PAPOLA: variants seen among roughly 807,000 people sequenced by gnomAD.
PAPOLA encodes the protein poly(A) polymerase alpha.
A neutral mutation model predicts 100.6 loss-of-function variants in PAPOLA; 15 were observed. The observed-to-expected ratio is 0.15, with a 90% CI of 0.10 to 0.23. The LOEUF (loss-of-function observed/expected upper bound fraction) is 0.23. PAPOLA is among the 10% of genes least tolerant of loss of function. The pLI is 1.00. For synonymous variants in PAPOLA, 293 were observed against 300.0 expected (o/e 0.98, Z 0.24); for missense variants, 533 against 884.2 (o/e 0.60, Z 5.04).
chr14:96,502,689 C>T lies in PAPOLA; in HGVS notation c.8+89C>T, dbSNP rs1343556569. ...GGGAAGAGGTAGGCGGAGAGGGTGG[C>T]ACGCGAGCCCGACCCTCCCCGCTGG... On this transcript the variant is annotated intron_variant, in intron 1 of 21. Transcript: ENST00000216277. The T allele has an allele frequency of 2.1e-6, 3 of 1,433,388 alleles. No individual in the cohort carries two copies. The African/African-American group carries it at 4.4e-5, about 21-fold the overall frequency. 88.8% of individuals were successfully genotyped at this position (1,433,388 alleles called of 1,614,324 possible).
At chr14:96,544,572 C>T (rs905382218) in intron 15 of PAPOLA, among the ~76,000 whole-genome samples, 2 of 152,032 alleles carry the variant, frequency 1.3e-5, no homozygotes, top group South Asian at 2.1e-4. Flanking sequence ...CATGTTGGCA[C>T]TCACAAATTT....
chr14:96,533,264 G>A (rs1391277036), intron 9 of PAPOLA: 1 of 984,536 alleles, frequency 1.0e-6, no homozygotes, highest in Non-Finnish European at 1.2e-6. Flanking sequence ...TATATTAATT[G>A]CCTTGGCCCA....
intron 16 of PAPOLA, among the ~76,000 whole-genome samples, chr14:96,551,349 G>T (rs1301832335): frequency 6.6e-6 from 1 of 152,136 alleles, no homozygotes; most frequent in Non-Finnish European, 1.5e-5. Flanking sequence ...TGGTAGCATT[G>T]TTGAATAGAA....
At chr14:96,564,067 A>G (rs1424331459) in intron 21 of PAPOLA, among the ~76,000 whole-genome samples, 1 of 151,772 alleles carries the variant, frequency 6.6e-6, no homozygotes, top group Non-Finnish European at 1.5e-5. Flanking sequence ...AAGAAGAATG[A>G]TTATGTTGAT....
intron 16 of PAPOLA, among the ~76,000 whole-genome samples, chr14:96,548,962 A>G (rs1477841846): frequency 1.3e-5 from 2 of 152,174 alleles, no homozygotes. Context: ...ACTGTTTCCT[A>G]CCTGTGAAAT....
chr14:96,539,604 T>G (rs974800737), intron 12 of PAPOLA, among the ~76,000 whole-genome samples: 3 of 152,156 alleles, frequency 2.0e-5, no homozygotes, highest in Non-Finnish European at 4.4e-5. Context: ...TTTTTAAATT[T>G]GGGGAAAAGG....
At chr14:96,563,225 A>G (rs1367636424) in intron 21 of PAPOLA, among the ~76,000 whole-genome samples, 1 of 152,192 alleles carries the variant, frequency 6.6e-6, no homozygotes, top group Admixed American at 6.5e-5. Context: ...CTAGGAATGA[A>G]CTAAAAAACA....
intron 16 of PAPOLA, among the ~76,000 whole-genome samples, chr14:96,548,328 A>T (rs1158164067): frequency 6.6e-6 from 1 of 152,014 alleles, no homozygotes; most frequent in Non-Finnish European, 1.5e-5. Flanking sequence ...TTTTTTGGTG[A>T]ATGTAAAAAA....
At chr14:96,506,731 CTG>C (rs1896740753) in intron 1 of PAPOLA, among the ~76,000 whole-genome samples, 1 of 152,084 alleles carries the variant, frequency 6.6e-6, no homozygotes, top group Non-Finnish European at 1.5e-5. Context: ...TTTGGTAGAC[CTG>C]TATAATTCAG....
At position 96,532,499 on chromosome 14, in the gene PAPOLA, C is replaced by T. The variant is rs371897787; in HGVS notation, c.698-12C>T. The T allele has an allele frequency of 2.9e-5, 47 of 1,604,310 alleles. No homozygotes were observed. The highest frequency in any genetic ancestry group is 3.6e-5 in the Non-Finnish European group (42 of 1,177,060). ...ACACTAACTTATCTTTTTGCTTTTC[C>T]CTTATCAACAGGCCACAACATCTAT... On this transcript the variant is annotated splice_polypyrimidine_tract_variant and intron_variant, in intron 8 of 21. Coordinates refer to ENST00000216277, the MANE Select transcript of PAPOLA (RefSeq NM_032632.5).
chr14:96,535,353 T>A, intron 10 of PAPOLA: 2 of 983,520 alleles, frequency 2.0e-6, no homozygotes, highest in African/African-American at 1.7e-5. Flanking sequence ...TGCCACTTAC[T>A]GATATACAGA....
Position 96,531,926 on chromosome 14 carries a change from G to A in PAPOLA, c.607+340G>A, listed in dbSNP as rs1292911981. 3.8e-6 allele frequency: 5 copies of A among 1,303,146 alleles called. No individual in the cohort carries two copies. The African/African-American group carries it at 6.1e-5, about 16-fold the overall frequency. 80.7% of individuals were successfully genotyped at this position (1,303,146 alleles called of 1,614,324 possible). A position where few individuals can be genotyped will look rare whatever the true frequency, so the allele number is the denominator to read the frequency against. On this transcript the variant is annotated intron_variant, in intron 7 of 21. Transcript: ENST00000216277. ...CTTTAGTAATGCTTTCAGCATTGCT[G>A]AGATCAGAAGGACTACTTTGGTACA...
At position 96,544,128 on chromosome 14, in the gene PAPOLA, TG is replaced by T; in HGVS notation, c.1290-19del. The T allele has an allele frequency of 1.6e-6, 2 of 1,249,540 alleles. No homozygotes were observed. Among genetic ancestry groups the T allele is most frequent in the Non-Finnish European group, 2.3e-6 (2 of 853,676 alleles). The allele number at this position is 1,249,540 out of a possible 1,614,324, so 77.4% of individuals were successfully genotyped here. On this transcript the variant is annotated intron_variant, in intron 14 of 21. Transcript: ENST00000216277. The stretch of plus-strand genomic sequence containing the variant: ...ATTTTCATGAAATCCAGATAAACTA[TG>T]GTAATGCTCTTCTTTGCAGGGAAGA...
chr14:96,517,970 C>T (rs1371032153), intron 1 of PAPOLA, among the ~76,000 whole-genome samples: 6 of 152,006 alleles, frequency 3.9e-5, no homozygotes, highest in African/African-American at 1.4e-4. Flanking sequence ...CCAAAATTTG[C>T]TGGGATTACA....
Position 96,542,798 on chromosome 14 carries a change from C to T in PAPOLA, c.1194C>T (p.Ile398=), listed in dbSNP as rs968121787. Residue 398 remains isoleucine, a synonymous_variant, in exon 14 of 22, where the codon ATC becomes ATT. Transcript: ENST00000216277. ...GGGTGGGCTTGGTGGAATCAAAAATCCGAATCCTGGTTGGAAGCTTGGAGA... is the reference window on the plus strand; with the variant it reads ...GGGTGGGCTTGGTGGAATCAAAAATTCGAATCCTGGTTGGAAGCTTGGAGA... ...LEWVGLVESK[I]RILVGSLEKN... 2 of 1,610,940 alleles carry T rather than the reference C, an allele frequency of 1.2e-6. No individual in the cohort carries two copies. The highest frequency in any genetic ancestry group is 1.7e-6 in the Non-Finnish European group (2 of 1,179,166).
intron 3 of PAPOLA, among the ~76,000 whole-genome samples, chr14:96,522,112 C>CTTTTTTTTTTTTT (rs1350167869): frequency 2.3e-4 from 23 of 98,694 alleles, no homozygotes; most frequent in South Asian, 1.2e-3. Context: ...CTCTTTCTTT[C>CTTTTTTTTTTTTT]TTTCTTTTTT....
chr14:96,508,925 G>T (rs1364756005), intron 1 of PAPOLA, among the ~76,000 whole-genome samples: 1 of 152,230 alleles, frequency 6.6e-6, no homozygotes, highest in Admixed American at 6.5e-5. Context: ...GTACTAAATT[G>T]TAGATTGGGG....
intron 1 of PAPOLA, among the ~76,000 whole-genome samples, chr14:96,506,562 A>C (rs1896729220): frequency 6.6e-6 from 1 of 152,210 alleles, no homozygotes; most frequent in Non-Finnish European, 1.5e-5. Context: ...TGGAGCTTTC[A>C]AGCAAAATAT....
intron 9 of PAPOLA, chr14:96,533,743 C>T (rs1204702888): frequency 1.7e-5 from 6 of 352,958 alleles, no homozygotes; most frequent in Non-Finnish European, 2.4e-5. Flanking sequence ...TTAGTAGAGA[C>T]GAGGTTTCAC....
Sources: gnomAD v4.1 joint callset for allele counts (sites outside exome capture counted in the v4.1 genomes callset) on GRCh38, gnomAD v4.1.1 for gene constraint, MANE v1.5 for transcripts, NCBI Gene and HGNC (gene_info 2026-07-23, HGNC 2026-07-21) for gene names.